The following PCDH10 variants were observed in gnomAD, a reference collection of about 807,000 sequenced individuals.
PCDH10 encodes protocadherin 10.
In PCDH10, 15 loss-of-function variants were observed where a neutral mutation model predicts 74.4. The ratio of observed to expected loss-of-function variants is 0.20; its 90% CI spans 0.13 to 0.31. The LOEUF (loss-of-function observed/expected upper bound fraction) is 0.31, where lower values mean the gene tolerates loss of function less well. PCDH10 is among the 10% of genes least tolerant of loss of function. The pLI is 1.00. For missense variants in PCDH10, 1,260 were observed against 1,390.2 expected (o/e 0.91, Z 1.49); for synonymous variants, 619 against 589.8 (o/e 1.05, Z -0.72).
chr4:133,155,881 G>A lies in PCDH10; in HGVS notation c.2797+858G>A, dbSNP rs113748030. 8.7e-3 allele frequency among the ~76,000 whole-genome samples: 1,318 copies of A among 152,212 alleles called. 11 individuals carry two copies. Among genetic ancestry groups the A allele is most frequent in the Non-Finnish European group, 0.014 (936 of 68,006 alleles). Reference sequence around the variant, plus strand: ...GAAAATGATTTAATAAACTTCTGGTGTCCTTCCTAATTTTTTGGTTTTCAT... The same window carrying A: ...GAAAATGATTTAATAAACTTCTGGTATCCTTCCTAATTTTTTGGTTTTCAT... On this transcript the variant is annotated intron_variant, in intron 3 of 4. Coordinates refer to ENST00000264360, the MANE Select transcript of PCDH10 (RefSeq NM_032961.3).
At chr4:133,159,650 C>T (rs1047255474) in intron 3 of PCDH10, among the ~76,000 whole-genome samples, 2 of 151,862 alleles carry the variant, frequency 1.3e-5, no homozygotes, top group African/African-American at 4.8e-5. Context: ...AACAAAATTG[C>T]ACTTGTATCC....
intron 3 of PCDH10, among the ~76,000 whole-genome samples, chr4:133,158,454 T>A (rs570141129): frequency 2.6e-4 from 39 of 152,276 alleles, no homozygotes; most frequent in African/African-American, 8.9e-4. Context: ...AGACATTCTC[T>A]GAAAATTGTC....
At position 133,150,575 on chromosome 4, in the gene PCDH10, C is replaced by T; in HGVS notation, c.435C>T (p.Ser145=). ...CAGGCACTCGCTTCCCCTTGGAGAG[C>T]GCATTCGACCCAGACGTGGGCACCA... ...ATPGTRFPLE[S]AFDPDVGTNS... The change falls in exon 1 of 5, where the codon AGC becomes AGT. Residue 145 remains serine (S), a synonymous_variant. Coordinates refer to ENST00000264360, the MANE Select transcript of PCDH10 (RefSeq NM_032961.3). 4 of 1,613,756 alleles carry T rather than the reference C, an allele frequency of 2.5e-6. No homozygotes were observed. Among genetic ancestry groups the T allele is most frequent in the Non-Finnish European group, 3.4e-6 (4 of 1,179,986 alleles).
In PCDH10 at chr4:133,190,632, C is replaced by G. The variant is rs1220070789; in HGVS notation, c.*472C>G. ...AGAAATTGTGATTATGTTCTTTTCA[C>G]CTGTGGGTTATAAAAAATGTTGTAT... On this transcript the variant is annotated 3_prime_UTR_variant, in exon 5 of 5. Coordinates refer to ENST00000264360, the MANE Select transcript of PCDH10 (RefSeq NM_032961.3). 6.5e-6 allele frequency: 1 copy of G among 153,762 alleles called. No homozygotes were observed. Among genetic ancestry groups the G allele is most frequent in the African/African-American group, 2.4e-5 (1 of 41,446 alleles). 9.5% of individuals were successfully genotyped at this position (153,762 alleles called of 1,614,324 possible).
Position 133,194,529 on chromosome 4 carries a change from A to G in PCDH10, c.*4369A>G, listed in dbSNP as rs1727752522. 6.6e-6 allele frequency: 1 copy of G among 151,936 alleles called. No individual in the cohort carries two copies. Among genetic ancestry groups the G allele is most frequent in the Non-Finnish European group, 1.5e-5 (1 of 67,844 alleles). 9.4% of individuals were successfully genotyped at this position (151,936 alleles called of 1,614,324 possible). On this transcript the variant is annotated 3_prime_UTR_variant, in exon 5 of 5. Transcript: ENST00000264360. ...GTTACTGTGAATGCTATAATAATAC[A>G]TAAGTAAAATGAGTGTAAATGTAAT...
At position 133,193,469 on chromosome 4, in the gene PCDH10, G is replaced by C. The variant is rs190224734; in HGVS notation, c.*3309G>C. ...TTCTCTGTATTATAGAAGCTATCTTGCTTCTTCAATAAGAGGAGGAAAAAG... is the reference window on the plus strand; with the variant it reads ...TTCTCTGTATTATAGAAGCTATCTTCCTTCTTCAATAAGAGGAGGAAAAAG... On this transcript the variant is annotated 3_prime_UTR_variant, in exon 5 of 5. Coordinates refer to ENST00000264360, the MANE Select transcript of PCDH10 (RefSeq NM_032961.3). The C allele has an allele frequency of 1.3e-4, 19 of 151,596 alleles. No individual in the cohort carries two copies. The highest frequency in any genetic ancestry group is 1.1e-3 in the Admixed American group (17 of 15,186). The allele number at this position is 151,596 out of a possible 1,614,324, so 9.4% of individuals were successfully genotyped here.
intron 4 of PCDH10, among the ~76,000 whole-genome samples, chr4:133,164,999 CAT>C (rs1329507312): frequency 6.8e-6 from 1 of 146,868 alleles, no homozygotes; most frequent in Non-Finnish European, 1.5e-5. Flanking sequence ...TATATATACA[CAT>C]ATATTCATAT....
intron 4 of PCDH10, among the ~76,000 whole-genome samples, chr4:133,187,008 G>A (rs932389020): frequency 4.6e-5 from 7 of 152,042 alleles, no homozygotes; most frequent in Admixed American, 3.3e-4. Context: ...CTGAGCCACC[G>A]TGCCCAGCCA....
intron 4 of PCDH10, among the ~76,000 whole-genome samples, chr4:133,164,607 A>G (rs935835391): frequency 2.0e-5 from 3 of 151,850 alleles, no homozygotes; most frequent in Non-Finnish European, 2.9e-5. Context: ...ATATAGTGGG[A>G]AAATCAACTT....
At chr4:133,187,316 G>A (rs1410534139) in intron 4 of PCDH10, among the ~76,000 whole-genome samples, 1 of 152,106 alleles carries the variant, frequency 6.6e-6, no homozygotes, top group Non-Finnish European at 1.5e-5. Flanking sequence ...GATGTTGTAA[G>A]TAACCTGAAG....
intron 2 of PCDH10, among the ~76,000 whole-genome samples, chr4:133,205,413 A>G (rs556570476): frequency 6.6e-6 from 1 of 152,298 alleles, no homozygotes; most frequent in South Asian, 2.1e-4. Context: ...TTTCATAAAC[A>G]CAGGATCCCC....
intron 4 of PCDH10, among the ~76,000 whole-genome samples, chr4:133,165,108 A>G (rs997718149): frequency 6.7e-6 from 1 of 148,978 alleles, no homozygotes; most frequent in Admixed American, 6.8e-5. Flanking sequence ...ATGAATATAC[A>G]TATGTTGGAA....
rs150573994 is a variant in PCDH10, at chr4:133,181,647, G to C, written c.3104-8494G>C. Among the ~76,000 whole-genome samples the C allele has an allele frequency of 4.2e-3, 622 of 149,824 alleles. 1 individual carries two copies. The highest frequency in any genetic ancestry group is 7.0e-3 in the Middle Eastern group (2 of 286). On this transcript the variant is annotated intron_variant, in intron 4 of 4. Coordinates refer to ENST00000264360, the MANE Select transcript of PCDH10 (RefSeq NM_032961.3). ...GTGTAGTCTTGGTGCTTTAGTGCAG[G>C]GTTGTTTTTTCTGCATCTCTTCTCT...
At chr4:133,199,289 AAATAAT>A (rs70957501), downstream of PCDH10, among the ~76,000 whole-genome samples, 9,011 of 136,602 alleles carry the variant, frequency 0.066, 392 homozygotes, top group Non-Finnish European at 0.081. Context: ...CCCTGTCTCA[AAATAAT>A]AATAATAATA....
Position 133,152,280 on chromosome 4 carries a change from C to T in PCDH10, c.2140C>T (p.Leu714Phe), listed in dbSNP as rs1330257464. ...TGGCGGCGGGGAAACCTCGCTAGAC[C>T]TCACCCTCATCCTCATCATCGCGTT... ...RSGGGETSLDLTLILIIALGS... is the reference protein window; with the variant it reads ...RSGGGETSLDFTLILIIALGS... Residue 714 changes from leucine to phenylalanine, a missense_variant, in exon 1 of 5, where the codon CTC (leucine) becomes TTC (phenylalanine). This residue lies in a region of PCDH10 where 587 missense variants were observed against 616.9 expected (regional missense o/e 0.95). Transcript: ENST00000264360. 5 of 1,613,976 alleles carry T rather than the reference C, an allele frequency of 3.1e-6. No homozygotes were observed. The highest frequency in any genetic ancestry group is 1.3e-5 in the African/African-American group (1 of 74,944).
At chr4:133,198,491 G>T (rs974661112), downstream of PCDH10, among the ~76,000 whole-genome samples, 2 of 152,134 alleles carry the variant, frequency 1.3e-5, no homozygotes, top group African/African-American at 4.8e-5. Flanking sequence ...TTAAAATGTG[G>T]TAATATCAAA....
intron 2 of PCDH10, among the ~76,000 whole-genome samples, chr4:133,204,282 G>A (rs1010733961): frequency 3.3e-5 from 5 of 152,182 alleles, no homozygotes; most frequent in East Asian, 1.9e-4. Context: ...ACCTGACAAC[G>A]TGTCATCCCA....
chr4:133,176,870 T>C (rs1019886870), intron 4 of PCDH10, among the ~76,000 whole-genome samples: 8 of 152,128 alleles, frequency 5.3e-5, no homozygotes, highest in Non-Finnish European at 1.5e-5. Context: ...GAAAATCGTA[T>C]GAAGAATACT....
In PCDH10 at chr4:133,194,244, A is replaced by C. The variant is rs143779286; in HGVS notation, c.*4084A>C. On this transcript the variant is annotated 3_prime_UTR_variant, in exon 5 of 5. Coordinates refer to ENST00000264360, the MANE Select transcript of PCDH10 (RefSeq NM_032961.3). Reference sequence around the variant, plus strand: ...CTTTTATTTCTTGAAAAGTTGTCACATGCTTAGTTTGAAGTTTTACTCTCC... The same window carrying C: ...CTTTTATTTCTTGAAAAGTTGTCACCTGCTTAGTTTGAAGTTTTACTCTCC... 6 of 151,974 alleles carry C rather than the reference A, an allele frequency of 3.9e-5. No homozygotes were observed. Among genetic ancestry groups the C allele is most frequent in the African/African-American group, 1.4e-4 (6 of 41,556 alleles). The allele number at this position is 151,974 out of a possible 1,614,324, so 9.4% of individuals were successfully genotyped here.
Sources: gnomAD v4.1 joint callset for allele counts (sites outside exome capture counted in the v4.1 genomes callset) on GRCh38, gnomAD v4.1.1 for gene constraint, gnomAD v4.1.1 regional missense constraint, MANE v1.5 for transcripts, NCBI Gene and HGNC (gene_info 2026-07-23, HGNC 2026-07-21) for gene names.